LPXN: variants seen among roughly 807,000 people sequenced by gnomAD.
The protein encoded by LPXN is leupaxin.
LPXN carries 28 observed loss-of-function variants against 45.6 expected under a neutral mutation model. The observed-to-expected ratio is 0.61, with a 90% CI of 0.45 to 0.84. The LOEUF (loss-of-function observed/expected upper bound fraction) is 0.84. LPXN is among the 40% of genes least tolerant of loss of function. The probability of loss-of-function intolerance (pLI) is 0.00; values close to 1 mark genes in which losing one functional copy is unlikely to be tolerated. For synonymous variants in LPXN, 166 were observed against 169.9 expected (o/e 0.98, Z 0.18); for missense variants, 459 against 475.0 (o/e 0.97, Z 0.31).
chr11:58,549,745 C>T (rs1226832503), intron 7 of LPXN, 41 bp downstream of exon 7: 1 of 1,569,104 alleles, frequency 6.4e-7, no homozygotes, highest in East Asian at 2.2e-5. Flanking sequence ...TTATAACTAC[C>T]CACTGGGGTG....
Position 58,575,749 on chromosome 11 carries a change from TCCTCACTCA to T in LPXN, c.13+2_13+10del. 6.2e-7 allele frequency: 1 copy of T among 1,614,168 alleles called. No individual in the cohort carries two copies. The highest frequency in any genetic ancestry group is 1.1e-5 in the South Asian group (1 of 91,074). Reference sequence around the variant, plus strand: ...ACTCCCTCAGAGTTTCTCCTCAGGCTCCTCACTCACCTAACTCTTCCATTGTCCTACATC... The same window carrying T: ...ACTCCCTCAGAGTTTCTCCTCAGGCTCCTAACTCTTCCATTGTCCTACATC... On this transcript the variant is annotated splice_donor_variant and splice_donor_5th_base_variant and intron_variant, in intron 1 of 8. Transcript: ENST00000395074. LOFTEE classifies it high-confidence loss of function.
chr11:58,529,677 G>T (rs1266832287), intron 7 of LPXN, among the ~76,000 whole-genome samples: 37 of 151,406 alleles, frequency 2.4e-4, no homozygotes, highest in Non-Finnish European at 1.5e-5. Context: ...GAATCAAATT[G>T]AAGAAAATTA....
intron 3 of LPXN, among the ~76,000 whole-genome samples, 170 bp from the exon 4 acceptor site, chr11:58,555,110 C>A (rs2120352260): frequency 6.6e-6 from 1 of 152,278 alleles, no homozygotes. Context: ...GACCAAAAAT[C>A]TAAACAAGTT....
chr11:58,578,139 A>G, upstream of LPXN: 2 of 1,476,612 alleles, frequency 1.4e-6, no homozygotes, highest in Non-Finnish European at 9.1e-7. Context: ...AAGGTACGCC[A>G]ACGCCCAGAT....
At chr11:58,575,939 GCT>G, upstream of LPXN, 1 of 1,408,470 alleles carries the variant, frequency 7.1e-7, no homozygotes. Flanking sequence ...GATTTGGTGA[GCT>G]TTTTTTTTTT....
intron 3 of LPXN, among the ~76,000 whole-genome samples, chr11:58,558,091 T>C (rs750895169): frequency 1.9e-4 from 29 of 151,968 alleles, no homozygotes; most frequent in African/African-American, 4.8e-4. Flanking sequence ...AGAGAATCAC[T>C]TGGGACCTGG....
intron 4 of LPXN, 68 bp from the exon 5 acceptor site, chr11:58,551,300 C>A: frequency 1.5e-6 from 2 of 1,336,208 alleles, no homozygotes; most frequent in Admixed American, 2.8e-5. Flanking sequence ...CTTCTAATGA[C>A]TCTATAAATT....
At chr11:58,529,249 A>G (rs373148366) in intron 7 of LPXN, among the ~76,000 whole-genome samples, 2 of 152,334 alleles carry the variant, frequency 1.3e-5, no homozygotes, top group South Asian at 2.1e-4. Flanking sequence ...TCTGAAGAAA[A>G]TATTTGCTAA....
Position 58,550,098 on chromosome 11 carries a change from T to A in LPXN, c.535A>T (p.Thr179Ser), listed in dbSNP as rs375408707. Residue 179 changes from threonine (T) to serine (S), a missense_variant, in exon 6 of 9, where the codon ACT (threonine) becomes TCT (serine). By Grantham distance (58) the Thr-to-Ser change is moderately conservative. Coordinates refer to ENST00000395074, the MANE Select transcript of LPXN (RefSeq NM_004811.3). ...GAGCCAATCTCTTCTTTGCAATGAG[T>A]ACAGACAAAATGCTCAGGATGCCAT... ...QSWHPEHFVC[T>S]HCKEEIGSSP... 6.2e-7 allele frequency: 1 copy of A among 1,614,000 alleles called. No individual in the cohort carries two copies. The highest frequency in any genetic ancestry group is 1.1e-5 in the South Asian group (1 of 91,088).
chr11:58,546,014 C>G (rs1314012903), intron 7 of LPXN, among the ~76,000 whole-genome samples: 2 of 152,076 alleles, frequency 1.3e-5, no homozygotes, highest in African/African-American at 4.8e-5. Flanking sequence ...TTTCTTTACT[C>G]CCTCCTGAAA....
At chr11:58,575,268 G>T (rs912844096) in intron 1 of LPXN, among the ~76,000 whole-genome samples, 2 of 152,160 alleles carry the variant, frequency 1.3e-5, no homozygotes, top group Non-Finnish European at 2.9e-5. Flanking sequence ...ACTAAAACAT[G>T]GAACAAATGA....
intron 2 of LPXN, among the ~76,000 whole-genome samples, chr11:58,568,167 T>C (rs1854579223): frequency 6.6e-6 from 1 of 152,180 alleles, no homozygotes; most frequent in African/African-American, 2.4e-5. Flanking sequence ...TCAGAAGAGG[T>C]ACTTGTGCTT....
Position 58,528,172 on chromosome 11 carries a change from C to T in LPXN, c.762G>A (p.Lys254=), listed in dbSNP as rs753197747. The T allele has an allele frequency of 6.2e-7, 1 of 1,614,200 alleles. No individual in the cohort carries two copies. The highest frequency in any genetic ancestry group is 8.5e-7 in the Non-Finnish European group (1 of 1,180,026). ...AGAAATCCTTTCGGCAATATGGCTT[C>T]TTGTCCTTCTCATGAAAGCCTGGAG... ...FGAEGFHEKD[K]KPYCRKDFLA... is the part of the protein sequence containing the mutation. The change falls in exon 8 of 9, where the codon AAG becomes AAA. Residue 254 remains lysine (K), a synonymous_variant. Coordinates refer to ENST00000395074, the MANE Select transcript of LPXN (RefSeq NM_004811.3).
intron 3 of LPXN, among the ~76,000 whole-genome samples, chr11:58,563,575 T>G (rs1854441975): frequency 6.6e-6 from 1 of 152,236 alleles, no homozygotes; most frequent in Non-Finnish European, 1.5e-5. Flanking sequence ...AGAGAATAAG[T>G]AAGTTAATCT....
intron 3 of LPXN, among the ~76,000 whole-genome samples, chr11:58,556,062 A>G (rs1854192931): frequency 6.6e-6 from 1 of 152,132 alleles, no homozygotes; most frequent in Non-Finnish European, 1.5e-5. Flanking sequence ...AATTCATTCT[A>G]TAAATAGCAC....
Position 58,550,271 on chromosome 11 carries a change from C to T in LPXN, c.487-125G>A, listed in dbSNP as rs535414115. Reference sequence around the variant, plus strand: ...GTAGACAACACGCCCTGGAATTATACAACACTGAGGCCTAGACCTAGGTTC... The same window carrying T: ...GTAGACAACACGCCCTGGAATTATATAACACTGAGGCCTAGACCTAGGTTC... On this transcript the variant is annotated intron_variant, in intron 5 of 8. Coordinates refer to ENST00000395074, the MANE Select transcript of LPXN (RefSeq NM_004811.3). 414 of 883,876 alleles carry T rather than the reference C, an allele frequency of 4.7e-4. No homozygotes were observed. In the Middle Eastern group the frequency reaches 0.014, roughly 30 times the overall value. 54.8% of individuals were successfully genotyped at this position (883,876 alleles called of 1,614,324 possible). A position where few individuals can be genotyped will look rare whatever the true frequency, so the allele number is the denominator to read the frequency against.
intron 4 of LPXN, 84 bp downstream of exon 4, chr11:58,554,757 A>G (rs1373615460): frequency 6.0e-6 from 6 of 997,774 alleles, no homozygotes; most frequent in African/African-American, 1.7e-5. Context: ...GAGTTCCACA[A>G]AGATAAACTG....
intron 7 of LPXN, among the ~76,000 whole-genome samples, chr11:58,530,566 A>C (rs1853357028): frequency 6.6e-6 from 1 of 152,184 alleles, no homozygotes; most frequent in Non-Finnish European, 1.5e-5. Context: ...GGGCTTATAG[A>C]TAAAACCCCC....
At chr11:58,559,448 A>C (rs1237232244) in intron 3 of LPXN, among the ~76,000 whole-genome samples, 1 of 152,194 alleles carries the variant, frequency 6.6e-6, no homozygotes, top group East Asian at 1.9e-4. Flanking sequence ...ATGGAGCTAA[A>C]GTAAAATAAA....
Sources: gnomAD v4.1 joint callset for allele counts (sites outside exome capture counted in the v4.1 genomes callset) on GRCh38, gnomAD v4.1.1 for gene constraint, MANE v1.5 for transcripts, NCBI Gene and HGNC (gene_info 2026-07-23, HGNC 2026-07-21) for gene names.